USP43: variants seen among roughly 807,000 people sequenced by gnomAD.
The protein encoded by USP43 is ubiquitin carboxyl-terminal hydrolase 43.
Under a neutral mutation model 90.7 loss-of-function variants are expected in USP43, and 33 were observed. The observed-to-expected ratio is 0.36, with a 90% confidence interval of 0.28 to 0.49. The LOEUF is 0.49. USP43 is among the 20% of genes least tolerant of loss of function. USP43 has a pLI of 0.98. For synonymous variants in USP43, 598 were observed against 615.8 expected, an observed-to-expected ratio of 0.97 and a Z score of 0.43; for missense variants, 1,274 against 1,476.4, an observed-to-expected ratio of 0.86 and a Z score of 2.25.
chr17:9,706,712 C>T (rs924616659), intron 12 of USP43, among the ~76,000 whole-genome samples: 30 of 133,952 alleles, frequency 2.2e-4, no homozygotes, highest in East Asian at 7.0e-4. Context: ...TGCACGATAT[C>T]GGCTCACTGC....
intron 14 of USP43, among the ~76,000 whole-genome samples, chr17:9,720,206 G>T (rs1293490758): frequency 6.7e-6 from 1 of 149,992 alleles, no homozygotes; most frequent in Non-Finnish European, 1.5e-5. Context: ...TGTGCCTGTA[G>T]TCCCAGCTAC....
chr17:9,720,129 T>C (rs72820065), intron 14 of USP43, among the ~76,000 whole-genome samples: 5,026 of 151,398 alleles, frequency 0.033, 187 homozygotes, highest in African/African-American at 0.096. Context: ...AGTTTCTCAA[T>C]AGCTTGGCCA....
chr17:9,714,905 G>T (rs1567680993), intron 14 of USP43, among the ~76,000 whole-genome samples: 1 of 152,130 alleles, frequency 6.6e-6, no homozygotes, highest in Non-Finnish European at 1.5e-5. Context: ...GTGAGGATGG[G>T]TAGATTCCAT....
chr17:9,703,112 G>A (rs1045272540), intron 12 of USP43, among the ~76,000 whole-genome samples: 2 of 152,066 alleles, frequency 1.3e-5, no homozygotes, highest in Non-Finnish European at 2.9e-5. Context: ...TCTCTGGGCC[G>A]AAAATAGCTC....
intron 2 of USP43, among the ~76,000 whole-genome samples, chr17:9,658,178 T>G (rs1056857772): frequency 6.6e-5 from 10 of 152,338 alleles, no homozygotes; most frequent in Middle Eastern, 3.4e-3. Flanking sequence ...CCTTGGAAAG[T>G]GCTTAGATCT....
chr17:9,661,232 G>T (rs1020497556), intron 2 of USP43, among the ~76,000 whole-genome samples: 1 of 152,142 alleles, frequency 6.6e-6, no homozygotes, highest in Non-Finnish European at 1.5e-5. Context: ...AGAAAATGCC[G>T]CTCTTGCAGA....
intron 8 of USP43, among the ~76,000 whole-genome samples, chr17:9,690,450 T>G (rs1359827287): frequency 6.6e-6 from 1 of 152,220 alleles, no homozygotes; most frequent in African/African-American, 2.4e-5. Flanking sequence ...TTATTTATTT[T>G]AACCACTCAT....
rs111768940 is a variant in USP43 at position 9,654,411 on chromosome 17, A to G, written c.505-1992A>G. ...AAAGACTCAGAGCCACACTTGGGGA[A>G]GCCGAGGCGGGCGGGATCACCTGAA... On this transcript the variant is annotated intron_variant, in intron 1 of 14. Coordinates refer to ENST00000285199, the MANE Select transcript of USP43 (RefSeq NM_153210.5). Among the ~76,000 whole-genome samples the G allele has an allele frequency of 9.8e-4, 149 of 152,216 alleles. 1 individual carries two copies. Among genetic ancestry groups the G allele is most frequent in the African/African-American group, 3.4e-3 (143 of 41,554 alleles).
At chr17:9,720,849 C>T (rs1001869771) in intron 14 of USP43, among the ~76,000 whole-genome samples, 4 of 152,106 alleles carry the variant, frequency 2.6e-5, no homozygotes, top group African/African-American at 7.2e-5. Context: ...CCGGGTGGGG[C>T]GCAAGGATGC....
intron 1 of USP43, among the ~76,000 whole-genome samples, chr17:9,649,358 CTCTT>C (rs1911696511): frequency 6.6e-6 from 1 of 152,048 alleles, no homozygotes; most frequent in African/African-American, 2.4e-5. Flanking sequence ...TTCTTTTCTT[CTCTT>C]TCTTTTTTTT....
In USP43 at chr17:9,645,836, T is replaced by A. The variant is rs1911348498; in HGVS notation, c.204T>A (p.Val68=). 1 of 1,401,854 alleles carries A rather than the reference T, an allele frequency of 7.1e-7. No individual in the cohort carries two copies. The highest frequency in any genetic ancestry group is 3.1e-5 in the East Asian group (1 of 32,670). The allele number at this position is 1,401,854 out of a possible 1,614,324, so 86.8% of individuals were successfully genotyped here. A position where few individuals can be genotyped will look rare whatever the true frequency, so the allele number is the denominator to read the frequency against. The part of the protein sequence containing the change: ...EGGFACAPGP[V]PAAPGSPGEE... Reference sequence around the variant, plus strand: ...GCTTCGCCTGCGCCCCGGGCCCAGTTCCAGCGGCCCCCGGGAGCCCCGGGG... The same window carrying A: ...GCTTCGCCTGCGCCCCGGGCCCAGTACCAGCGGCCCCCGGGAGCCCCGGGG... The change falls in exon 1 of 15, where the codon GTT becomes GTA. Residue 68 remains valine (V), a synonymous_variant. Transcript: ENST00000285199. This position sits in a 1 kb window ranked among gnomAD's most constrained non-coding sequence, Gnocchi z 6.8.
In USP43 at chr17:9,645,563, T is replaced by C; in HGVS notation, c.-70T>C. The C allele has an allele frequency of 2.6e-6, 3 of 1,156,932 alleles. No homozygotes were observed. The highest frequency in any genetic ancestry group is 3.6e-4 in the Middle Eastern group (1 of 2,810). 71.7% of individuals were successfully genotyped at this position (1,156,932 alleles called of 1,614,324 possible). ...GGCACCAGGAGCCTTAGAGAAGCTGTAGGGCCTGCTGGCCGCTCGTCCGCC... is the reference window on the plus strand; with the variant it reads ...GGCACCAGGAGCCTTAGAGAAGCTGCAGGGCCTGCTGGCCGCTCGTCCGCC... On this transcript the variant is annotated 5_prime_UTR_variant, in exon 1 of 15. Transcript: ENST00000285199. The surrounding 1 kb of genome is among the most constrained non-coding windows in gnomAD (Gnocchi z 6.8).
Position 9,701,202 on chromosome 17 carries a change from G to C in USP43, c.1619G>C (p.Cys540Ser), listed in dbSNP as rs1475737612. 6.3e-7 allele frequency: 1 copy of C among 1,596,176 alleles called. No individual in the cohort carries two copies. Among genetic ancestry groups the C allele is most frequent in the Non-Finnish European group, 8.5e-7 (1 of 1,170,816 alleles). ...QQQQAHQQHS[C>S]TLDECFQFYT... is the part of the protein sequence containing the mutation. Reference sequence around the variant, plus strand: ...CAGCAGGCGCATCAGCAGCACAGCTGTACCTTGGATGAATGTTTTCAGTTC... The same window carrying C: ...CAGCAGGCGCATCAGCAGCACAGCTCTACCTTGGATGAATGTTTTCAGTTC... Residue 540 changes from cysteine to serine, a missense_variant, in exon 11 of 15, where the codon TGT (cysteine) becomes TCT (serine). This residue lies in a region of USP43 where 253 missense variants were observed against 276.0 expected (regional missense o/e 0.92). Transcript: ENST00000285199. This position sits in a 1 kb window ranked among gnomAD's most constrained non-coding sequence, Gnocchi z 7.2.
chr17:9,646,109 C>T lies in USP43; in HGVS notation c.477C>T (p.Tyr159=). Residue 159 remains tyrosine, a synonymous_variant, in exon 1 of 15, where the codon TAC becomes TAT. Transcript: ENST00000285199. ...ALVRALWTRE[Y]TPQLSAEFKN... Reference sequence around the variant, plus strand: ...TGCGCGCGCTCTGGACTCGCGAATACACGCCCCAACTTTCCGCGGAGTTCA... The same window carrying T: ...TGCGCGCGCTCTGGACTCGCGAATATACGCCCCAACTTTCCGCGGAGTTCA... 6.7e-7 allele frequency: 1 copy of T among 1,491,892 alleles called. No homozygotes were observed. The highest frequency in any genetic ancestry group is 8.9e-7 in the Non-Finnish European group (1 of 1,122,172). The allele number at this position is 1,491,892 out of a possible 1,614,324, so 92.4% of individuals were successfully genotyped here. A position where few individuals can be genotyped will look rare whatever the true frequency, so the allele number is the denominator to read the frequency against.
chr17:9,722,174 G>A (rs907125845), intron 14 of USP43, among the ~76,000 whole-genome samples: 7 of 151,908 alleles, frequency 4.6e-5, no homozygotes, highest in African/African-American at 1.5e-4. Context: ...ATTATAATGT[G>A]GCTCTTTATC....
Position 9,728,991 on chromosome 17 carries a change from T to C in USP43, c.*1T>C, listed in dbSNP as rs761977539. ...AACCTTACCGGAGTCCAGCTTTTGA[T>C]GGAGCGTGTCAGTATTGTGTGACGC... On this transcript the variant is annotated 3_prime_UTR_variant, in exon 15 of 15. Coordinates refer to ENST00000285199, the MANE Select transcript of USP43 (RefSeq NM_153210.5). The surrounding 1 kb of genome is among the most constrained non-coding windows in gnomAD (Gnocchi z 6.2). 3.2e-6 allele frequency: 5 copies of C among 1,560,904 alleles called. No individual in the cohort carries two copies. Among genetic ancestry groups the C allele is most frequent in the African/African-American group, 1.4e-5 (1 of 73,588 alleles).
At chr17:9,670,400 G>A (rs980979048) in intron 3 of USP43, among the ~76,000 whole-genome samples, 1 of 152,196 alleles carries the variant, frequency 6.6e-6, no homozygotes, top group Non-Finnish European at 1.5e-5. Context: ...GCAACAGTTG[G>A]TGCCACTGTG....
intron 1 of USP43, among the ~76,000 whole-genome samples, chr17:9,651,738 T>A (rs73975777): frequency 0.073 from 11,130 of 152,246 alleles, 1,208 homozygotes; most frequent in African/African-American, 0.24. Flanking sequence ...TACTGGAGAC[T>A]TGGCTTTTTA....
Position 9,646,002 on chromosome 17 carries a change from C to T in USP43, c.370C>T (p.Leu124=), listed in dbSNP as rs1309187136. 6.7e-7 allele frequency: 1 copy of T among 1,485,332 alleles called. No individual in the cohort carries two copies. Among genetic ancestry groups the T allele is most frequent in the African/African-American group, 1.5e-5 (1 of 67,582 alleles). The allele number at this position is 1,485,332 out of a possible 1,614,324, so 92.0% of individuals were successfully genotyped here. ...AVVQCLSNTD[L]LAEFLALGRY... ...GGTGCAGTGTCTCAGCAACACCGAC[C>T]TGCTGGCCGAGTTCCTGGCGCTGGG... Residue 124 remains leucine (L), a synonymous_variant, in exon 1 of 15, where the codon CTG becomes TTG. Transcript: ENST00000285199.
Sources: allele counts gnomAD v4.1 joint callset (sites outside exome capture counted in the v4.1 genomes callset), GRCh38; gene constraint gnomAD v4.1.1; regional missense constraint gnomAD v4.1.1; non-coding constraint Gnocchi (gnomAD v3.1); transcripts MANE v1.5; gene names NCBI Gene and HGNC (gene_info 2026-07-23, HGNC 2026-07-21).